ATP10B: variants seen among roughly 807,000 people sequenced by gnomAD.
The protein encoded by ATP10B is phospholipid-transporting ATPase VB.
A neutral mutation model predicts 141.2 loss-of-function variants in ATP10B; 122 were observed. The observed-to-expected ratio is 0.86, with a 90% CI of 0.75 to 1.00. The LOEUF (loss-of-function observed/expected upper bound fraction) is 1.00, where lower values mean the gene tolerates loss of function less well. Among genes scored for constraint, ATP10B ranks in the 50% least tolerant of loss-of-function variants. The pLI is 0.00. For missense variants in ATP10B, 1,876 were observed against 1,825.3 expected (o/e 1.03, Z -0.51); for synonymous variants, 685 against 692.0 (o/e 0.99, Z 0.16).
At chr5:160,890,998 TGTGC>T in the ATP10B span, among the ~76,000 whole-genome samples, 26 of 116,108 alleles carry the variant, frequency 2.2e-4, no homozygotes, top group African/African-American at 4.7e-4. Flanking sequence ...CGTGTATGTG[TGTGC>T]GTGTGTGTGT....
chr5:160,620,511 G>A lies in ATP10B; in HGVS notation c.2252C>T (p.Pro751Leu). Residue 751 changes from proline to leucine, a missense_variant, in exon 15 of 26, where the codon CCC becomes CTC. Transcript: ENST00000327245. ...RTPEQVTVRL[P>L]QGTCLTFSLL... The stretch of plus-strand genomic sequence containing the variant: ...GCTGAAGGTGAGGCAGGTGCCCTGG[G>A]GCAGGCGCACAGTCACCTGCTCAGG... 1.2e-6 allele frequency: 2 copies of A among 1,614,178 alleles called. No homozygotes were observed. The highest frequency in any genetic ancestry group is 1.7e-6 in the Non-Finnish European group (2 of 1,180,020).
At chr5:160,716,807 A>G in intron 3 of ATP10B, 102 bp downstream of exon 3, 1 of 788,314 alleles carries the variant, frequency 1.3e-6, no homozygotes, top group Non-Finnish European at 1.5e-6. Flanking sequence ...TTCCATCATC[A>G]AGGTGGTGTC....
At chr5:160,704,415 C>G (rs1162081679) in intron 3 of ATP10B, among the ~76,000 whole-genome samples, 1 of 152,092 alleles carries the variant, frequency 6.6e-6, no homozygotes, top group African/African-American at 2.4e-5. Flanking sequence ...TAGGTCTCAA[C>G]AGCAGGCCTA....
chr5:160,882,085 A>G, the ATP10B span, among the ~76,000 whole-genome samples: 1 of 152,200 alleles, frequency 6.6e-6, no homozygotes, highest in Non-Finnish European at 1.5e-5. Flanking sequence ...AGTGGTTGCC[A>G]TTGGAAGGGG....
At chr5:160,634,638 A>G (rs1427577106) in intron 11 of ATP10B, 32 bp from the exon 12 acceptor site, 1 of 1,566,070 alleles carries the variant, frequency 6.4e-7, no homozygotes, top group Non-Finnish European at 8.6e-7. Flanking sequence ...CCATTCAGAA[A>G]CCAGGCAGGT....
Position 160,771,754 on chromosome 5 carries a change from C to T in ATP10B, c.-331+13805G>A, listed in dbSNP as rs957701511. Among the ~76,000 whole-genome samples, 15 of 152,212 alleles carry T rather than the reference C, an allele frequency of 9.9e-5. 1 individual carries two copies. Among genetic ancestry groups the T allele is most frequent in the Admixed American group, 7.9e-4 (12 of 15,278 alleles). On this transcript the variant is annotated intron_variant, in intron 2 of 25. Coordinates refer to ENST00000327245, the MANE Select transcript of ATP10B (RefSeq NM_025153.3). The stretch of plus-strand genomic sequence containing the variant: ...TACCTTAGCTCTCTGTCCCATCTTG[C>T]TTTGATCCAAGCCAGAGTTGGTAAG...
intron 2 of ATP10B, among the ~76,000 whole-genome samples, chr5:160,745,393 C>T (rs1331206169): frequency 1.3e-5 from 2 of 152,186 alleles, no homozygotes; most frequent in Non-Finnish European, 2.9e-5. Context: ...GAAAACAAAA[C>T]TCCATGATGC....
intron 3 of ATP10B, among the ~76,000 whole-genome samples, chr5:160,709,752 C>G (rs1765251085): frequency 8.4e-5 from 2 of 23,884 alleles, no homozygotes; most frequent in Non-Finnish European, 1.7e-4. Context: ...AATGCTATCC[C>G]TCCCCCCCTC....
At chr5:160,752,814 A>G (rs1768248171) in intron 2 of ATP10B, among the ~76,000 whole-genome samples, 1 of 152,200 alleles carries the variant, frequency 6.6e-6, no homozygotes, top group Non-Finnish European at 1.5e-5. Context: ...AGAAGTTTTT[A>G]AAGTGTTAGT....
intron 2 of ATP10B, among the ~76,000 whole-genome samples, chr5:160,768,181 C>T (rs1231457786): frequency 6.6e-6 from 1 of 152,138 alleles, no homozygotes; most frequent in South Asian, 2.1e-4. Flanking sequence ...AATTTTAAAG[C>T]ATTAATTTAC....
At chr5:160,653,816 A>G (rs1581276612) in intron 7 of ATP10B, among the ~76,000 whole-genome samples, 1 of 127,696 alleles carries the variant, frequency 7.8e-6, no homozygotes, top group Non-Finnish European at 1.5e-5. Flanking sequence ...CATATATATT[A>G]TATAGACGTA....
intron 7 of ATP10B, among the ~76,000 whole-genome samples, chr5:160,663,971 T>C (rs1762155307): frequency 6.6e-6 from 1 of 152,038 alleles, no homozygotes; most frequent in African/African-American, 2.4e-5. Flanking sequence ...AAATAATAGA[T>C]ATAGAACACT....
chr5:160,640,577 G>T lies in ATP10B; in HGVS notation c.884C>A (p.Ala295Asp). 5 of 1,614,042 alleles carry T rather than the reference G, an allele frequency of 3.1e-6. No homozygotes were observed. The highest frequency in any genetic ancestry group is 4.2e-6 in the Non-Finnish European group (5 of 1,179,928). Residue 295 changes from alanine (A) to aspartate (D), a missense_variant, in exon 10 of 26, where the codon GCC (alanine) becomes GAC (aspartate). Coordinates refer to ENST00000327245, the MANE Select transcript of ATP10B (RefSeq NM_025153.3). ...IVIYAGHETK[A>D]MLNNSGPRYK... ...CCGGGGGCCACTGTTGTTCAGCATGGCTTTCGTCTCATGGCCTTTGAGAGA... is the reference window on the plus strand; with the variant it reads ...CCGGGGGCCACTGTTGTTCAGCATGTCTTTCGTCTCATGGCCTTTGAGAGA...
At chr5:160,879,796 C>T in the ATP10B span, among the ~76,000 whole-genome samples, 1 of 152,088 alleles carries the variant, frequency 6.6e-6, no homozygotes, top group African/African-American at 2.4e-5. Context: ...CGAGATGGCG[C>T]CACTGCACTC....
At chr5:160,646,220 T>C (rs975704543) in intron 8 of ATP10B, among the ~76,000 whole-genome samples, 1 of 152,204 alleles carries the variant, frequency 6.6e-6, no homozygotes, top group African/African-American at 2.4e-5. Context: ...GTACCTAAAG[T>C]ACTACCCCAC....
rs1232797800 is a variant in ATP10B at position 160,563,420 on chromosome 5, A to C, written c.*2033T>G. The C allele has an allele frequency of 6.6e-6, 1 of 152,208 alleles. No individual in the cohort carries two copies. Among genetic ancestry groups the C allele is most frequent in the African/African-American group, 2.4e-5 (1 of 41,448 alleles). 9.4% of individuals were successfully genotyped at this position (152,208 alleles called of 1,614,324 possible). On this transcript the variant is annotated 3_prime_UTR_variant, in exon 26 of 26. Transcript: ENST00000327245. ...TGGGACGGTTGGTCCTACAAGAAAAAGAGCAGCATCAGAGTGTTGGCTATA... is the reference window on the plus strand; with the variant it reads ...TGGGACGGTTGGTCCTACAAGAAAACGAGCAGCATCAGAGTGTTGGCTATA...
rs117159073 is a variant in ATP10B, at chr5:160,697,255, G to A, written c.-204-8312C>T. Among the ~76,000 whole-genome samples the A allele has an allele frequency of 5.2e-3, 799 of 152,266 alleles. 10 individuals carry two copies. Among genetic ancestry groups the A allele is most frequent in the East Asian group, 0.016 (84 of 5,184 alleles). ...ATTTGAAAGACCCTCCATAAGTTTT[G>A]TAGTGTGGACCTGCCCAGGAAAATT... On this transcript the variant is annotated intron_variant, in intron 3 of 25. Coordinates refer to ENST00000327245, the MANE Select transcript of ATP10B (RefSeq NM_025153.3).
At chr5:160,670,361 C>T (rs910670525) in intron 7 of ATP10B, 102 bp downstream of exon 7, 16 of 1,136,834 alleles carry the variant, frequency 1.4e-5, no homozygotes, top group Non-Finnish European at 1.9e-5. Flanking sequence ...GAGGCATCTA[C>T]TACTTTCCCC....
chr5:160,617,742 G>T, intron 16 of ATP10B, 122 bp downstream of exon 16: 1 of 866,244 alleles, frequency 1.2e-6, no homozygotes, highest in Non-Finnish European at 1.8e-6. Flanking sequence ...AGTCAGAACA[G>T]CTAATCTTGA....
Sources: gnomAD v4.1 joint callset for allele counts (sites outside exome capture counted in the v4.1 genomes callset) on GRCh38, gnomAD v4.1.1 for gene constraint, MANE v1.5 for transcripts, NCBI Gene and HGNC (gene_info 2026-07-23, HGNC 2026-07-21) for gene names.